PPHLN1: variants seen among roughly 807,000 people sequenced by gnomAD.
PPHLN1 encodes periphilin 1, also known as periphilin-1.
PPHLN1 carries 29 observed loss-of-function variants against 51.3 expected under a neutral mutation model. The observed-to-expected ratio is 0.57, with a 90% CI of 0.42 to 0.77. The LOEUF is 0.77. PPHLN1 is among the 30% of genes least tolerant of loss of function. The pLI is 0.00. For missense variants in PPHLN1, 436 were observed against 438.4 expected, an observed-to-expected ratio of 0.99 and a Z score of 0.05; for synonymous variants, 147 against 147.8, an observed-to-expected ratio of 0.99 and a Z score of 0.04.
intron 9 of PPHLN1, among the ~76,000 whole-genome samples, chr12:42,406,150 C>G (rs1436078913): frequency 7.0e-6 from 1 of 143,666 alleles, no homozygotes; most frequent in African/African-American, 2.5e-5. Flanking sequence ...GTGGTGCGTT[C>G]TTGGCTCACT....
chr12:42,329,094 A>ATTTTTTTTTTTTT (rs775555753), intron 1 of PPHLN1, among the ~76,000 whole-genome samples: 89 of 141,366 alleles, frequency 6.3e-4, no homozygotes, highest in African/African-American at 2.4e-3. Flanking sequence ...TGGAATTTCA[A>ATTTTTTTTTTTTT]TTTTTTTTTT....
intron 2 of PPHLN1, among the ~76,000 whole-genome samples, chr12:42,337,750 A>ATTTTT (rs1454495200): frequency 1.5e-4 from 17 of 110,712 alleles, no homozygotes; most frequent in Non-Finnish European, 2.8e-4. Flanking sequence ...ATACCTGGCT[A>ATTTTT]TTTTTATTTT....
intron 9 of PPHLN1, among the ~76,000 whole-genome samples, chr12:42,406,755 T>C (rs1477815182): frequency 6.6e-6 from 1 of 152,192 alleles, no homozygotes; most frequent in African/African-American, 2.4e-5. Flanking sequence ...TTCTTAATTT[T>C]ATTGTAATCT....
chr12:42,444,442 A>G (rs1196157851), downstream of PPHLN1: 1 of 149,238 alleles, frequency 6.7e-6, no homozygotes, highest in Non-Finnish European at 1.5e-5. Flanking sequence ...TAGATCACAT[A>G]GACCCACAAT....
intron 9 of PPHLN1, chr12:42,431,771 A>G (rs1039279288): frequency 1.9e-6 from 2 of 1,036,944 alleles, no homozygotes. Context: ...TGTCATTGCC[A>G]GAAGCACTAG....
At chr12:42,446,128 G>T, downstream of PPHLN1, 1 of 1,572,870 alleles carries the variant, frequency 6.4e-7, no homozygotes, top group Non-Finnish European at 8.6e-7. Flanking sequence ...TTCGTCGGAC[G>T]ACACAGCTTC....
intron 9 of PPHLN1, among the ~76,000 whole-genome samples, chr12:42,433,851 A>G (rs1317529645): frequency 1.3e-5 from 2 of 152,176 alleles, no homozygotes; most frequent in African/African-American, 2.4e-5. Flanking sequence ...CCAAACCTGT[A>G]TTGTTCAAGG....
In PPHLN1 at chr12:42,384,998, TGA is replaced by T. The variant is rs1565897766; in HGVS notation, c.568+4_568+5del. On this transcript the variant is annotated splice_donor_region_variant and intron_variant, in intron 6 of 9. Transcript: ENST00000358314. ...AGAATGAAGGAAATCCTGAAAGAGG[TGA>T]GTTTTGAGCTAGACTCTGATTTGGG... is the stretch of plus-strand genomic sequence containing the variant. The T allele has an allele frequency of 6.2e-7, 1 of 1,604,038 alleles. No individual in the cohort carries two copies. Among genetic ancestry groups the T allele is most frequent in the Non-Finnish European group, 8.5e-7 (1 of 1,170,926 alleles).
Position 42,396,615 on chromosome 12 carries a change from CAAAAAAAAAAAAAAAAAAAAA to C in PPHLN1, c.769-2226_769-2206del, listed in dbSNP as rs60131845. On this transcript the variant is annotated intron_variant, in intron 8 of 9. Coordinates refer to ENST00000358314, the MANE Select transcript of PPHLN1 (RefSeq NM_201439.2). Reference sequence around the variant, plus strand: ...GCAATGTAGTAAGGTCTTGTCACTACAAAAAAAAAAAAAAAAAAAAAAAAAAAAAAAAAGCTGGGTGTGGTG... The same window carrying C: ...GCAATGTAGTAAGGTCTTGTCACTACAAAAAAAAAAAAGCTGGGTGTGGTG... Among the ~76,000 whole-genome samples, 35 of 85,466 alleles carry C rather than the reference CAAAAAAAAAAAAAAAAAAAAA, an allele frequency of 4.1e-4. 1 individual carries two copies. Among genetic ancestry groups the C allele is most frequent in the Admixed American group, 1.8e-3 (14 of 7,748 alleles). 56.1% of individuals were successfully genotyped at this position (85,466 alleles called of 152,430 possible).
rs60131845 is a variant in PPHLN1 at position 42,396,615 on chromosome 12, CAAAAAAAAAAAAAAAA to C, written c.769-2221_769-2206del. 3.1e-3 allele frequency among the ~76,000 whole-genome samples: 268 copies of C among 85,516 alleles called. 6 individuals are homozygous for C. Among genetic ancestry groups the C allele is most frequent in the African/African-American group, 0.017 (251 of 14,898 alleles). The allele number at this position is 85,516 out of a possible 152,430, so 56.1% of individuals were successfully genotyped here. A position where few individuals can be genotyped will look rare whatever the true frequency, so the allele number is the denominator to read the frequency against. On this transcript the variant is annotated intron_variant, in intron 8 of 9. Transcript: ENST00000358314. ...GCAATGTAGTAAGGTCTTGTCACTA[CAAAAAAAAAAAAAAAA>C]AAAAAAAAAAAAAAAAAGCTGGGTG...
downstream of PPHLN1, chr12:42,443,372 A>G (rs140148763): frequency 6.6e-4 from 101 of 152,418 alleles, no homozygotes; most frequent in African/African-American, 2.3e-3. Context: ...TAAAGAGATA[A>G]GAAAAAGCAT....
chr12:42,349,887 C>T (rs966864186), intron 2 of PPHLN1, among the ~76,000 whole-genome samples: 3 of 152,210 alleles, frequency 2.0e-5, no homozygotes, highest in African/African-American at 4.8e-5. Flanking sequence ...AAACCGCCAT[C>T]GTCATCATGG....
At chr12:42,404,806 G>C (rs980551160) in intron 9 of PPHLN1, among the ~76,000 whole-genome samples, 1 of 152,176 alleles carries the variant, frequency 6.6e-6, no homozygotes, top group African/African-American at 2.4e-5. Flanking sequence ...GAAGCAGGCG[G>C]ATCACAAGGT....
At chr12:42,358,394 C>T (rs1363602150) in intron 4 of PPHLN1, among the ~76,000 whole-genome samples, 1 of 151,720 alleles carries the variant, frequency 6.6e-6, no homozygotes, top group Admixed American at 6.6e-5. Flanking sequence ...TTAATTGAGT[C>T]TTTTTTTGTT....
At chr12:42,442,544 A>G, downstream of PPHLN1, 1 of 1,523,704 alleles carries the variant, frequency 6.6e-7, no homozygotes, top group African/African-American at 1.4e-5. Flanking sequence ...TCAGGACTGC[A>G]CTCTCTTTTG....
intron 5 of PPHLN1, among the ~76,000 whole-genome samples, chr12:42,383,983 C>CAAAAAAAAAAAAAA (rs61016692): frequency 9.7e-5 from 5 of 51,640 alleles, no homozygotes; most frequent in East Asian, 1.1e-3. Context: ...GACTGTGTCT[C>CAAAAAAAAAAAAAA]AAAAAAAAAA....
At chr12:42,430,818 T>C (rs1330480149) in intron 9 of PPHLN1, among the ~76,000 whole-genome samples, 1 of 152,184 alleles carries the variant, frequency 6.6e-6, no homozygotes, top group African/African-American at 2.4e-5. Context: ...TCTCTTTTTT[T>C]TGGAAGATCA....
intron 9 of PPHLN1, among the ~76,000 whole-genome samples, chr12:42,439,531 T>A (rs1424722486): frequency 6.6e-6 from 1 of 152,264 alleles, no homozygotes; most frequent in East Asian, 1.9e-4. Context: ...TTTGTTTGTT[T>A]TGAGACAAGG....
chr12:42,358,702 G>A (rs925033146), intron 4 of PPHLN1, among the ~76,000 whole-genome samples: 2 of 152,114 alleles, frequency 1.3e-5, no homozygotes, highest in Non-Finnish European at 2.9e-5. Context: ...CATTGTTCCC[G>A]GCCAAATTGA....
Sources: gnomAD v4.1 joint callset for allele counts (sites outside exome capture counted in the v4.1 genomes callset) on GRCh38, gnomAD v4.1.1 for gene constraint, MANE v1.5 for transcripts, NCBI Gene and HGNC (gene_info 2026-07-23, HGNC 2026-07-21) for gene names.